The following NECAP1 variants were observed in gnomAD, a reference collection of about 807,000 sequenced individuals.
The protein encoded by NECAP1 is NECAP endocytosis associated 1.
In NECAP1, 13 loss-of-function variants were observed where a neutral mutation model predicts 33.4. The observed-to-expected ratio is 0.39, with a 90% CI of 0.25 to 0.62. The LOEUF is 0.62. Among genes scored for constraint, NECAP1 ranks in the 20% least tolerant of loss-of-function variants. The pLI is 0.52. For synonymous variants in NECAP1, 109 were observed against 125.2 expected (o/e 0.87, Z 0.86); for missense variants, 272 against 347.4 (o/e 0.78, Z 1.73).
chr12:8,082,286 A>C lies in NECAP1; in HGVS notation c.-3A>C, dbSNP rs1219640857. On this transcript the variant is annotated 5_prime_UTR_variant, in exon 1 of 8. Coordinates refer to ENST00000339754, the MANE Select transcript of NECAP1 (RefSeq NM_015509.4). ...CCCCGGCAGCGCCGACAGCGGACCC[A>C]AGATGGCGACCGAGTTGGAGTACGA... is the stretch of plus-strand genomic sequence containing the variant. 6.3e-7 allele frequency: 1 copy of C among 1,588,794 alleles called. No individual in the cohort carries two copies. Among genetic ancestry groups the C allele is most frequent in the Admixed American group, 1.7e-5 (1 of 59,646 alleles).
At chr12:8,089,273 G>A (rs983326207) in intron 1 of NECAP1, 6 of 151,512 alleles carry the variant, frequency 4.0e-5, no homozygotes, top group Non-Finnish European at 8.8e-5. Context: ...CCATTACCTA[G>A]GATATTTAAT....
At chr12:8,091,653 C>A in intron 3 of NECAP1, 116 bp from the exon 4 acceptor site, 1 of 825,084 alleles carries the variant, frequency 1.2e-6, no homozygotes, top group Non-Finnish European at 2.0e-6. Flanking sequence ...CTCTCGTGTG[C>A]AACTCACCTC....
chr12:8,093,432 T>C (rs1947567923), intron 6 of NECAP1: 1 of 205,808 alleles, frequency 4.9e-6, no homozygotes. Context: ...AAACTGGAGA[T>C]GTAAAACCAC....
chr12:8,090,891 G>C (rs774334293), intron 3 of NECAP1: 1 of 153,428 alleles, frequency 6.5e-6, no homozygotes, highest in Admixed American at 6.5e-5. Context: ...TACGTGTGGG[G>C]CAGTCATTCT....
At chr12:8,087,487 A>G (rs1185432572) in intron 1 of NECAP1, among the ~76,000 whole-genome samples, 4 of 151,056 alleles carry the variant, frequency 2.6e-5, no homozygotes, top group African/African-American at 9.7e-5. Flanking sequence ...TAAGGAACTC[A>G]TCCAAGAAAA....
At chr12:8,093,089 A>G (rs754433038) in intron 6 of NECAP1, 34 bp downstream of exon 6, 3 of 1,594,008 alleles carry the variant, frequency 1.9e-6, no homozygotes, top group South Asian at 2.2e-5. Flanking sequence ...GAGAAATCCA[A>G]TCTTATGTTT....
intron 4 of NECAP1, 135 bp from the exon 5 acceptor site, chr12:8,092,541 C>G: frequency 3.2e-6 from 2 of 625,516 alleles, no homozygotes. Context: ...TTTTTCCCTT[C>G]TGTTTCTCAC....
At chr12:8,085,279 A>C (rs1203841682) in intron 1 of NECAP1, among the ~76,000 whole-genome samples, 1 of 152,096 alleles carries the variant, frequency 6.6e-6, no homozygotes, top group Non-Finnish European at 1.5e-5. Context: ...TGGCCTCCCA[A>C]AGTGCTGGGA....
chr12:8,088,112 A>C (rs1413339654), intron 1 of NECAP1, among the ~76,000 whole-genome samples: 8 of 152,236 alleles, frequency 5.3e-5, no homozygotes, highest in Non-Finnish European at 1.0e-4. Flanking sequence ...TTCATCATAA[A>C]TAATCTTAGT....
At chr12:8,084,863 A>G (rs1454368024) in intron 1 of NECAP1, among the ~76,000 whole-genome samples, 1 of 152,132 alleles carries the variant, frequency 6.6e-6, no homozygotes, top group African/African-American at 2.4e-5. Flanking sequence ...TGTTGACTGA[A>G]AGAAGAAATC....
chr12:8,091,843 C>T lies in NECAP1; in HGVS notation c.376C>T (p.His126Tyr), dbSNP rs775899740. Residue 126 changes from histidine to tyrosine, a missense_variant, in exon 4 of 8, where the codon CAC (histidine) becomes TAC (tyrosine). By Grantham distance (83) the His-to-Tyr change is moderately conservative. Coordinates refer to ENST00000339754, the MANE Select transcript of NECAP1 (RefSeq NM_015509.4). ...AFDFNVSLQD[H>Y]FKWVKQESEI... Reference sequence around the variant, plus strand: ...CGACTTTAATGTCTCCTTGCAGGATCACTTCAAGTGAGTGAAGCTTGTCCT... The same window carrying T: ...CGACTTTAATGTCTCCTTGCAGGATTACTTCAAGTGAGTGAAGCTTGTCCT... 27 of 1,612,774 alleles carry T rather than the reference C, an allele frequency of 1.7e-5. No individual in the cohort carries two copies. Among genetic ancestry groups the T allele is most frequent in the Non-Finnish European group, 2.2e-5 (26 of 1,179,446 alleles).
At chr12:8,091,738 TC>T in intron 3 of NECAP1, 30 bp from the exon 4 acceptor site, 4 of 1,608,016 alleles carry the variant, frequency 2.5e-6, no homozygotes, top group Non-Finnish European at 3.4e-6. Flanking sequence ...AGAGGATACT[TC>T]CTAGTCGAGT....
At chr12:8,082,645 C>A in intron 1 of NECAP1, 1 of 445,038 alleles carries the variant, frequency 2.2e-6, no homozygotes, top group Non-Finnish European at 4.2e-6. Flanking sequence ...CTCCCGTAAT[C>A]CCCTGGGGCA....
intron 6 of NECAP1, 96 bp downstream of exon 6, chr12:8,093,151 T>A: frequency 8.1e-7 from 1 of 1,240,144 alleles, no homozygotes; most frequent in Non-Finnish European, 1.2e-6. Flanking sequence ...TGCTATGAAA[T>A]AGCTCATGGT....
At chr12:8,087,960 A>G (rs746227044) in intron 1 of NECAP1, among the ~76,000 whole-genome samples, 2 of 152,234 alleles carry the variant, frequency 1.3e-5, no homozygotes, top group South Asian at 4.1e-4. Context: ...ATTCTTGTTC[A>G]AATATACCTT....
intron 1 of NECAP1, among the ~76,000 whole-genome samples, chr12:8,083,647 C>T (rs1278183551): frequency 6.7e-6 from 1 of 149,584 alleles, no homozygotes; most frequent in African/African-American, 2.5e-5. Flanking sequence ...CCAGGCTGGT[C>T]TTGAACTCCT....
At chr12:8,085,541 C>T (rs1006313692) in intron 1 of NECAP1, among the ~76,000 whole-genome samples, 18 of 152,140 alleles carry the variant, frequency 1.2e-4, no homozygotes, top group African/African-American at 4.1e-4. Flanking sequence ...TAGTACAGCA[C>T]ATGAAGAGAG....
chr12:8,090,227 T>C lies in NECAP1; in HGVS notation c.229T>C (p.Tyr77His), dbSNP rs1190717151. Residue 77 changes from tyrosine (Y) to histidine (H), a missense_variant, in exon 3 of 8, where the codon TAT becomes CAT. Coordinates refer to ENST00000339754, the MANE Select transcript of NECAP1 (RefSeq NM_015509.4). ...ELFAQAPVEQ[Y>H]PGIAVETVTD... ...CTTTGCTCAGGCACCAGTAGAACAA[T>C]ATCCTGGTATTGCTGTGGAGACGGT... 2 of 1,614,186 alleles carry C rather than the reference T, an allele frequency of 1.2e-6. No individual in the cohort carries two copies. The highest frequency in any genetic ancestry group is 8.5e-7 in the Non-Finnish European group (1 of 1,180,028).
chr12:8,082,772 T>TCACACA (rs1201652736), intron 1 of NECAP1: 2 of 114,446 alleles, frequency 1.7e-5, no homozygotes, highest in African/African-American at 8.8e-5. Context: ...TCTCTCTCTC[T>TCACACA]CTCACACACA....
Sources: allele counts gnomAD v4.1 joint callset (sites outside exome capture counted in the v4.1 genomes callset), GRCh38; gene constraint gnomAD v4.1.1; transcripts MANE v1.5; gene names NCBI Gene and HGNC (gene_info 2026-07-23, HGNC 2026-07-21).